The following ACTN4 variants were observed in gnomAD, a reference collection of about 807,000 sequenced individuals.
ACTN4 encodes the protein alpha-actinin-4.
In ACTN4, 18 loss-of-function variants were observed where a neutral mutation model predicts 114.2. The ratio of observed to expected loss-of-function variants is 0.16; its 90% CI spans 0.11 to 0.23. The LOEUF is 0.23. Ranked by LOEUF, ACTN4 falls within the 10% of genes least tolerant of loss-of-function variation. The pLI, the probability that ACTN4 is intolerant of heterozygous loss-of-function variation, is 1.00. For synonymous variants in ACTN4, 515 were observed against 506.3 expected (o/e 1.02, Z -0.23); for missense variants, 722 against 1,262.9 (o/e 0.57, Z 6.49).
At chr19:38,690,902 G>T (rs1186239195) in intron 1 of ACTN4, among the ~76,000 whole-genome samples, 1 of 152,208 alleles carries the variant, frequency 6.6e-6, no homozygotes, top group African/African-American at 2.4e-5. Flanking sequence ...GTACATGAAA[G>T]AGAGGGAGAG....
rs533052586 is a variant in ACTN4 at position 38,718,172 on chromosome 19, C to T, written c.1291+98C>T. 11 of 1,537,994 alleles carry T rather than the reference C, an allele frequency of 7.2e-6. No individual in the cohort carries two copies. The East Asian group carries it at 1.7e-4, about 24-fold the overall frequency. On this transcript the variant is annotated intron_variant, in intron 11 of 20. Transcript: ENST00000252699. ...GGTGTGCACACACAGCCCCCTGCCA[C>T]GTTGGGTCTGTTTCTCAGGTGCCCT...
intron 1 of ACTN4, 107 bp downstream of exon 1, chr19:38,648,014 G>T (rs969460613): frequency 2.3e-6 from 3 of 1,291,858 alleles, no homozygotes; most frequent in African/African-American, 3.1e-5. Flanking sequence ...GGGAACGGGG[G>T]GGTCCCGAGA....
At chr19:38,675,018 G>A (rs549152142) in intron 1 of ACTN4, among the ~76,000 whole-genome samples, 3 of 152,332 alleles carry the variant, frequency 2.0e-5, no homozygotes, top group East Asian at 3.9e-4. Flanking sequence ...CTAAACAGCC[G>A]TGTGGAGTTG....
intron 9 of ACTN4, among the ~76,000 whole-genome samples, chr19:38,715,368 A>C (rs957622754): frequency 6.6e-6 from 1 of 152,142 alleles, no homozygotes; most frequent in Non-Finnish European, 1.5e-5. Flanking sequence ...GTTGTGGCAC[A>C]CACCTGTAGT....
At chr19:38,667,541 T>G (rs1021261070) in intron 1 of ACTN4, among the ~76,000 whole-genome samples, 30 of 152,290 alleles carry the variant, frequency 2.0e-4, no homozygotes, top group Non-Finnish European at 3.8e-4. Flanking sequence ...GACAGCCTTT[T>G]TTGAGCCATT....
At chr19:38,714,427 TG>T in intron 8 of ACTN4, 41 bp from the exon 9 acceptor site, 1 of 1,588,940 alleles carries the variant, frequency 6.3e-7, no homozygotes, top group Non-Finnish European at 8.6e-7. Flanking sequence ...GGAGGGAGGG[TG>T]GCCAGCCCCC....
chr19:38,699,653 G>C (rs766430049), intron 1 of ACTN4, among the ~76,000 whole-genome samples: 1 of 152,064 alleles, frequency 6.6e-6, no homozygotes, highest in African/African-American at 2.4e-5. Context: ...TACTCAGGAG[G>C]CTGAGGCATG....
chr19:38,706,172 A>G (rs1453214100), intron 5 of ACTN4, 41 bp downstream of exon 5: 1 of 1,588,534 alleles, frequency 6.3e-7, no homozygotes, highest in Non-Finnish European at 8.6e-7. Flanking sequence ...TCCTCTAGGA[A>G]CCTGAGATCC....
intron 8 of ACTN4, chr19:38,711,260 C>A (rs1295857647): frequency 2.0e-6 from 2 of 998,714 alleles, no homozygotes; most frequent in Non-Finnish European, 2.4e-6. Flanking sequence ...CTCTCTTTCT[C>A]TCTCTCTCTG....
intron 1 of ACTN4, among the ~76,000 whole-genome samples, chr19:38,650,145 G>T (rs542698474): frequency 6.6e-6 from 1 of 152,156 alleles, no homozygotes; most frequent in East Asian, 1.9e-4. Context: ...GTCTTCTGCA[G>T]CTGAAGGTGC....
At position 38,726,980 on chromosome 19, in the gene ACTN4, G is replaced by T. The variant is rs1271628674; in HGVS notation, c.2214G>T (p.Gln738His). Reference sequence around the variant, plus strand: ...AGCACATCCGCGTGGGCTGGGAGCAGCTGCTCACCACCATTGCCCGCACCA... The same window carrying T: ...AGCACATCCGCGTGGGCTGGGAGCATCTGCTCACCACCATTGCCCGCACCA... ...TMEHIRVGWE[Q>H]LLTTIARTIN... is the part of the protein sequence containing the mutation. Residue 738 changes from glutamine (Q) to histidine (H), a missense_variant, in exon 18 of 21, where the codon CAG becomes CAT. Coordinates refer to ENST00000252699, the MANE Select transcript of ACTN4 (RefSeq NM_004924.6). 1 of 1,614,092 alleles carries T rather than the reference G, an allele frequency of 6.2e-7. No individual in the cohort carries two copies. Among genetic ancestry groups the T allele is most frequent in the African/African-American group, 1.3e-5 (1 of 75,060 alleles).
At position 38,730,743 on chromosome 19, in the gene ACTN4, C is replaced by T. The variant is rs1599874187; in HGVS notation, c.*1311C>T. The stretch of plus-strand genomic sequence containing the variant: ...GAGCAGTGAGGGCCAGAGACTAGCC[C>T]CAGACAGGTGGATGCCAGAGAGAGT... On this transcript the variant is annotated 3_prime_UTR_variant, in exon 21 of 21. Transcript: ENST00000252699. 7.2e-7 allele frequency: 1 copy of T among 1,389,906 alleles called. No individual in the cohort carries two copies. Among genetic ancestry groups the T allele is most frequent in the East Asian group, 2.5e-5 (1 of 40,166 alleles). 86.1% of individuals were successfully genotyped at this position (1,389,906 alleles called of 1,614,324 possible). A position where few individuals can be genotyped will look rare whatever the true frequency, so the allele number is the denominator to read the frequency against.
At chr19:38,725,644 C>A in intron 16 of ACTN4, 80 bp from the exon 17 acceptor site, 1 of 1,517,060 alleles carries the variant, frequency 6.6e-7, no homozygotes, top group Non-Finnish European at 8.9e-7. Flanking sequence ...TGCAGGCCAG[C>A]AGCGCGAGTG....
intron 16 of ACTN4, 84 bp from the exon 17 acceptor site, chr19:38,725,640 C>T: frequency 6.6e-7 from 1 of 1,506,782 alleles, no homozygotes; most frequent in Non-Finnish European, 9.0e-7. Flanking sequence ...AAGATGCAGG[C>T]CAGCAGCGCG....
chr19:38,725,948 G>T (rs1281085794), intron 17 of ACTN4, 45 bp downstream of exon 17: 1 of 1,608,498 alleles, frequency 6.2e-7, no homozygotes, highest in South Asian at 1.1e-5. Flanking sequence ...AGCATGGCCG[G>T]CTTCCTCACT....
rs1968887824 is a variant in ACTN4 at position 38,717,638 on chromosome 19, C to T, written c.1144-289C>T. Reference sequence around the variant, plus strand: ...TGACCGCCATGTGCTTGAGGCCCTTCATCAGCGGAGGGGCAGTGCGCCCTG... The same window carrying T: ...TGACCGCCATGTGCTTGAGGCCCTTTATCAGCGGAGGGGCAGTGCGCCCTG... On this transcript the variant is annotated intron_variant, in intron 10 of 20. Coordinates refer to ENST00000252699, the MANE Select transcript of ACTN4 (RefSeq NM_004924.6). This position sits in a 1 kb window ranked among gnomAD's most constrained non-coding sequence, Gnocchi z 4.0. Among the ~76,000 whole-genome samples, 2 of 152,214 alleles carry T rather than the reference C, an allele frequency of 1.3e-5. No individual in the cohort carries two copies. The highest frequency in any genetic ancestry group is 4.8e-5 in the African/African-American group (2 of 41,446).
At position 38,725,595 on chromosome 19, in the gene ACTN4, A is replaced by C. The variant is rs949705520; in HGVS notation, c.2011-129A>C. The C allele has an allele frequency of 6.9e-6, 7 of 1,013,660 alleles. No individual in the cohort carries two copies. In the East Asian group the frequency reaches 1.8e-4, roughly 26 times the overall value. The allele number at this position is 1,013,660 out of a possible 1,614,324, so 62.8% of individuals were successfully genotyped here. A position where few individuals can be genotyped will look rare whatever the true frequency, so the allele number is the denominator to read the frequency against. On this transcript the variant is annotated intron_variant, in intron 16 of 20. Transcript: ENST00000252699. ...AGTGGGCCTTCCCTCCCAGGGACCC[A>C]TGGGCCAAGGCCCCAGGCCAAAGGG...
intron 1 of ACTN4, among the ~76,000 whole-genome samples, chr19:38,680,661 T>C (rs953203166): frequency 1.1e-4 from 17 of 152,178 alleles, no homozygotes; most frequent in African/African-American, 3.6e-4. Context: ...GCATTGCCCA[T>C]TTGTCAGCCA....
At position 38,647,885 on chromosome 19, in the gene ACTN4, C is replaced by T; in HGVS notation, c.140C>T (p.Ala47Val). The change falls in exon 1 of 21, where the codon GCC becomes GTC. Residue 47 changes from alanine (A) to valine (V), a missense_variant. This residue lies in a region of ACTN4 where 72 missense variants were observed against 75.6 expected (regional missense o/e 0.95). Coordinates refer to ENST00000252699, the MANE Select transcript of ACTN4 (RefSeq NM_004924.6). ...GACCGGGACCTGCTGCTGGACCCGG[C>T]CTGGGAGAAGCAGCAGCGCAAGGTG... ...DWDRDLLLDP[A>V]WEKQQRKTFT... The T allele has an allele frequency of 6.6e-7, 1 of 1,520,634 alleles. No individual in the cohort carries two copies. The highest frequency in any genetic ancestry group is 8.8e-7 in the Non-Finnish European group (1 of 1,133,012). 94.2% of individuals were successfully genotyped at this position (1,520,634 alleles called of 1,614,324 possible).
Sources: gnomAD v4.1 joint callset for allele counts (sites outside exome capture counted in the v4.1 genomes callset) on GRCh38, gnomAD v4.1.1 for gene constraint, gnomAD v4.1.1 regional missense constraint, Gnocchi (gnomAD v3.1) non-coding constraint, MANE v1.5 for transcripts, NCBI Gene and HGNC (gene_info 2026-07-23, HGNC 2026-07-21) for gene names.